The following ATP7B variants were observed in gnomAD, a reference collection of about 807,000 sequenced individuals.
The protein encoded by ATP7B is copper-transporting ATPase 2.
A neutral mutation model predicts 118.9 loss-of-function variants in ATP7B; 113 were observed. That is an observed-to-expected ratio of 0.95 (90% CI 0.82 to 1.11). The LOEUF is 1.11. Ranked by LOEUF, ATP7B falls within the 50% of genes most tolerant of loss-of-function variation. The pLI is 0.00. For synonymous variants in ATP7B, 777 were observed against 727.4 expected, an observed-to-expected ratio of 1.07 and a Z score of -1.10; for missense variants, 1,867 against 1,871.4, an observed-to-expected ratio of 1.00 and a Z score of 0.04.
At chr13:51,945,193 A>T in intron 13 of ATP7B, among the ~76,000 whole-genome samples, 1 of 152,128 alleles carries the variant, frequency 6.6e-6, no homozygotes, top group Non-Finnish European at 1.5e-5. Flanking sequence ...CAGTCACATC[A>T]CGTGGGTATG....
intron 1 of ATP7B, among the ~76,000 whole-genome samples, chr13:51,990,894 C>T (rs9568684): frequency 0.59 from 89,704 of 152,046 alleles, 28,336 homozygotes; most frequent in Non-Finnish European, 0.71. Context: ...TTGAGACGAT[C>T]CTGGACAACA....
At chr13:51,980,959 T>C (rs1261732115) in intron 1 of ATP7B, among the ~76,000 whole-genome samples, 1 of 152,230 alleles carries the variant, frequency 6.6e-6, no homozygotes, top group Non-Finnish European at 1.5e-5. Context: ...CCGGATTCTT[T>C]CATATGCACG....
intron 2 of ATP7B, among the ~76,000 whole-genome samples, chr13:51,973,238 G>C (rs952794349): frequency 6.6e-6 from 1 of 152,136 alleles, no homozygotes; most frequent in Non-Finnish European, 1.5e-5. Flanking sequence ...AAAGGGCCTG[G>C]ATGGTCCCAC....
At chr13:51,941,471 C>T (rs547953821) in intron 15 of ATP7B, among the ~76,000 whole-genome samples, 27 of 152,018 alleles carry the variant, frequency 1.8e-4, no homozygotes, top group South Asian at 4.2e-4. Flanking sequence ...ATGGTATAAA[C>T]GTATTAAACA....
chr13:51,934,676 C>G lies in ATP7B; in HGVS notation c.*80G>C. ...TCCCCAAAGCTGGAGGCTAGCTCAG[C>G]CCATCCTGCTGCTGGCTGTCCTGCT... On this transcript the variant is annotated 3_prime_UTR_variant, in exon 21 of 21. Coordinates refer to ENST00000242839, the MANE Select transcript of ATP7B (RefSeq NM_000053.4). 6.3e-7 allele frequency: 1 copy of G among 1,593,430 alleles called. No homozygotes were observed. Among genetic ancestry groups the G allele is most frequent in the African/African-American group, 1.3e-5 (1 of 74,772 alleles).
intron 1 of ATP7B, among the ~76,000 whole-genome samples, chr13:51,988,141 A>G (rs1002030030): frequency 1.3e-5 from 2 of 151,872 alleles, no homozygotes; most frequent in African/African-American, 2.4e-5. Context: ...ATGGGAGAAA[A>G]TTTTTGCAAT....
Position 52,011,310 on chromosome 13 carries a change from C to T in ATP7B, c.28G>A (p.Ala10Thr). The T allele has an allele frequency of 2.5e-6, 4 of 1,614,236 alleles. No individual in the cohort carries two copies. The highest frequency in any genetic ancestry group is 3.4e-6 in the Non-Finnish European group (4 of 1,180,018). The part of the protein sequence containing the change: MPEQERQIT[A>T]REGASRKILS... ...ACTTTCCGACTGGCCCCTTCTCTGG[C>T]TGTGATCTGTCTCTCCTGCTCAGGC... is the stretch of plus-strand genomic sequence containing the variant. Residue 10 changes from alanine (A) to threonine (T), a missense_variant, in exon 1 of 21, where the codon GCC (alanine) becomes ACC (threonine). By Grantham distance (58) the Ala-to-Thr change is moderately conservative. Transcript: ENST00000242839.
intron 7 of ATP7B, chr13:51,958,787 C>T (rs1035282123): frequency 3.6e-6 from 2 of 552,352 alleles, no homozygotes; most frequent in Non-Finnish European, 6.5e-6. Flanking sequence ...CACAAATGTC[C>T]TCTAATAAGA....
Position 51,968,473 on chromosome 13 carries a change from C to T in ATP7B, c.1678G>A (p.Ala560Thr), listed in dbSNP as rs757281957. 3.7e-6 allele frequency: 6 copies of T among 1,614,180 alleles called. No homozygotes were observed. The highest frequency in any genetic ancestry group is 1.3e-5 in the African/African-American group (1 of 75,030). Residue 560 changes from alanine to threonine, a missense_variant, in exon 4 of 21, where the codon GCA becomes ACA. Ala to Thr is a moderately conservative substitution (Grantham distance 58). Coordinates refer to ENST00000242839, the MANE Select transcript of ATP7B (RefSeq NM_000053.4). ...AGCTCAATGTTGCCATCGGAGCCTG[C>T]GTAGTCCTCCATGACTGCTGCCTCA... is the stretch of plus-strand genomic sequence containing the variant. ...GFEAAVMEDY[A>T]GSDGNIELTI...
At position 51,974,058 on chromosome 13, in the gene ATP7B, G is replaced by A. The variant is rs187209079; in HGVS notation, c.1162C>T (p.Gln388Ter). The change falls in exon 2 of 21, where the codon CAG becomes TAG. Residue 388 changes from glutamine (Q) to a stop codon, truncating the protein, a stop_gained. Coordinates refer to ENST00000242839, the MANE Select transcript of ATP7B (RefSeq NM_000053.4). LOFTEE classifies it high-confidence loss of function. ...TCGGCCAAAGACACCGATATTTGCTGCACCCCTTCCAGTTGGGAGATCATG... is the reference window on the plus strand; with the variant it reads ...TCGGCCAAAGACACCGATATTTGCTACACCCCTTCCAGTTGGGAGATCATG... ...EGMISQLEGVQQISVSLAEGT... is the reference protein window; with the variant it reads ...EGMISQLEGV The A allele has an allele frequency of 6.2e-7, 1 of 1,614,196 alleles. No individual in the cohort carries two copies. Among genetic ancestry groups the A allele is most frequent in the South Asian group, 1.1e-5 (1 of 91,088 alleles).
Position 51,968,461 on chromosome 13 carries a change from C to T in ATP7B, c.1690G>A (p.Gly564Ser), listed in dbSNP as rs1428929450. ...GTACTTACTGTCAGCTCAATGTTGC[C>T]ATCGGAGCCTGCGTAGTCCTCCATG... ...AVMEDYAGSD[G>S]NIELTITGMT... Residue 564 changes from glycine to serine, a missense_variant, in exon 4 of 21, where the codon GGC becomes AGC. Transcript: ENST00000242839. 6.2e-7 allele frequency: 1 copy of T among 1,614,082 alleles called. No homozygotes were observed. Among genetic ancestry groups the T allele is most frequent in the Non-Finnish European group, 8.5e-7 (1 of 1,180,046 alleles).
Position 51,946,433 on chromosome 13 carries a change from CA to C in ATP7B, c.2910del (p.Phe970LeufsTer52). The stretch of plus-strand genomic sequence containing the variant: ...AGCACCGTGATGGACGTCTGGAAAG[CA>C]AACCGGATGATCACCTCTGTCTGGG... ...HISQTEVIIR[F>X]AFQTSITVLC... is the part of the protein sequence containing the mutation. On this transcript the variant is annotated frameshift_variant, in exon 13 of 21. Coordinates refer to ENST00000242839, the MANE Select transcript of ATP7B (RefSeq NM_000053.4). LOFTEE classifies it high-confidence loss of function. The C allele has an allele frequency of 6.2e-7, 1 of 1,614,218 alleles. No homozygotes were observed. Among genetic ancestry groups the C allele is most frequent in the Non-Finnish European group, 8.5e-7 (1 of 1,180,040 alleles).
chr13:51,960,466 G>A, intron 6 of ATP7B, 144 bp from the exon 7 acceptor site: 2 of 1,017,898 alleles, frequency 2.0e-6, no homozygotes, highest in Non-Finnish European at 3.0e-6. Flanking sequence ...ATGAAAGTAA[G>A]AACTCTCTCT....
intron 9 of ATP7B, among the ~76,000 whole-genome samples, chr13:51,956,915 T>C (rs1362474907): frequency 6.6e-6 from 1 of 152,164 alleles, no homozygotes; most frequent in East Asian, 1.9e-4. Flanking sequence ...CTGTGTGACC[T>C]TGGGCCAGTT....
intron 12 of ATP7B, 61 bp from the exon 13 acceptor site, chr13:51,946,539 T>A: frequency 6.3e-7 from 1 of 1,580,302 alleles, no homozygotes; most frequent in Non-Finnish European, 8.7e-7. Flanking sequence ...CCCAGAACTC[T>A]AATCACATAA....
chr13:52,002,200 A>T (rs554761264), intron 1 of ATP7B, among the ~76,000 whole-genome samples: 1 of 152,234 alleles, frequency 6.6e-6, no homozygotes, highest in Non-Finnish European at 1.5e-5. Context: ...TGAATGACAA[A>T]GAATGCCAAG....
intron 1 of ATP7B, among the ~76,000 whole-genome samples, chr13:52,009,049 T>TC (rs1221616968): frequency 6.7e-6 from 1 of 149,578 alleles, no homozygotes; most frequent in Non-Finnish European, 1.5e-5. Flanking sequence ...TAATTTTTCT[T>TC]TTTTTTTTGT....
chr13:51,955,742 G>T (rs891635140), intron 9 of ATP7B, among the ~76,000 whole-genome samples: 1 of 151,616 alleles, frequency 6.6e-6, no homozygotes, highest in Non-Finnish European at 1.5e-5. Context: ...CTGTCTGAAC[G>T]TTTTCACTTC....
upstream of ATP7B, among the ~76,000 whole-genome samples, chr13:52,011,747 G>A (rs1277370969): frequency 5.3e-5 from 8 of 152,266 alleles, no homozygotes; most frequent in African/African-American, 1.9e-4. Flanking sequence ...CAGGGCGGAG[G>A]CCTGTCCTCC....
Sources: gnomAD v4.1 joint callset for allele counts (sites outside exome capture counted in the v4.1 genomes callset) on GRCh38, gnomAD v4.1.1 for gene constraint, MANE v1.5 for transcripts, NCBI Gene and HGNC (gene_info 2026-07-23, HGNC 2026-07-21) for gene names.